The following STARD13 variants were observed in gnomAD, a reference collection of about 807,000 sequenced individuals.
The protein encoded by STARD13 is stAR-related lipid transfer protein 13.
In STARD13, 62 loss-of-function variants were observed where a neutral mutation model predicts 106.4. The observed-to-expected ratio is 0.58, with a 90% CI of 0.48 to 0.72. The LOEUF (loss-of-function observed/expected upper bound fraction) is 0.72, where lower values mean the gene tolerates loss of function less well. Ranked by LOEUF, STARD13 falls within the 30% of genes least tolerant of loss-of-function variation. The probability of loss-of-function intolerance (pLI) is 0.00; values close to 1 mark genes in which losing one functional copy is unlikely to be tolerated. For synonymous variants in STARD13, 565 were observed against 553.0 expected, an observed-to-expected ratio of 1.02 and a Z score of -0.31; for missense variants, 1,387 against 1,424.0, an observed-to-expected ratio of 0.97 and a Z score of 0.42.
chr13:33,645,654 C>T, the STARD13 span, among the ~76,000 whole-genome samples: 1,423 of 152,256 alleles, frequency 9.3e-3, 70 homozygotes, highest in East Asian at 0.13. Context: ...AATTTATTAT[C>T]ATTAAACAAA....
At chr13:33,149,802 C>G (rs145878432) in intron 3 of STARD13, among the ~76,000 whole-genome samples, 10 of 152,314 alleles carry the variant, frequency 6.6e-5, no homozygotes, top group Non-Finnish European at 8.8e-5. Flanking sequence ...AAGAATATGT[C>G]ACAGTGGAAG....
At chr13:33,107,038 G>T in intron 12 of STARD13, 104 bp from the exon 13 acceptor site, 2 of 1,110,872 alleles carry the variant, frequency 1.8e-6, no homozygotes, top group Non-Finnish European at 1.3e-6. Flanking sequence ...AACAACCTGG[G>T]CTCAGATTCC....
chr13:33,451,257 G>A, the STARD13 span, among the ~76,000 whole-genome samples: 3 of 152,184 alleles, frequency 2.0e-5, no homozygotes, highest in Admixed American at 6.5e-5. Context: ...AGAGACAGAC[G>A]TGGGCTAGAT....
the STARD13 span, among the ~76,000 whole-genome samples, chr13:33,521,518 C>T: frequency 6.6e-6 from 1 of 152,070 alleles, no homozygotes; most frequent in African/African-American, 2.4e-5. Flanking sequence ...GGTTCCTCTG[C>T]CACATGGGCC....
intron 1 of STARD13, among the ~76,000 whole-genome samples, chr13:33,258,308 T>TA (rs1337991707): frequency 2.0e-5 from 3 of 152,102 alleles, no homozygotes; most frequent in African/African-American, 7.2e-5. Context: ...ACCATTTTCC[T>TA]AAAAAAATAG....
chr13:33,328,374 G>T (rs1406409853), intron 1 of STARD13, among the ~76,000 whole-genome samples: 1 of 152,194 alleles, frequency 6.6e-6, no homozygotes, highest in African/African-American at 2.4e-5. Flanking sequence ...TATAAAATGG[G>T]TATGTTAATA....
chr13:33,315,635 C>A (rs1893304452), intron 1 of STARD13, among the ~76,000 whole-genome samples: 1 of 152,072 alleles, frequency 6.6e-6, no homozygotes, highest in Admixed American at 6.6e-5. Context: ...CAGAAGATCC[C>A]AGACTTTAGA....
In STARD13 at chr13:33,112,984, G is replaced by A; in HGVS notation, c.2282-53C>T. ...GGAGGAGCAGACATAGAAAGAGCCAGCTGGGAAGCACTGTGTAAGCTCCAC... is the reference window on the plus strand; with the variant it reads ...GGAGGAGCAGACATAGAAAGAGCCAACTGGGAAGCACTGTGTAAGCTCCAC... On this transcript the variant is annotated intron_variant, in intron 8 of 13. Transcript: ENST00000336934. The A allele has an allele frequency of 2.8e-6, 4 of 1,416,556 alleles. No individual in the cohort carries two copies. In the South Asian group the frequency reaches 5.3e-5, roughly 19 times the overall value. The allele number at this position is 1,416,556 out of a possible 1,614,324, so 87.7% of individuals were successfully genotyped here.
the STARD13 span, among the ~76,000 whole-genome samples, chr13:33,403,756 G>C: frequency 1.3e-5 from 2 of 152,144 alleles, no homozygotes; most frequent in Non-Finnish European, 2.9e-5. Context: ...TTGGGTGCCA[G>C]GTTATAGAAA....
intron 1 of STARD13, among the ~76,000 whole-genome samples, chr13:33,242,833 C>A (rs1889600391): frequency 6.6e-6 from 1 of 152,062 alleles, no homozygotes; most frequent in South Asian, 2.1e-4. Flanking sequence ...CTTTTCTTTA[C>A]TATGTATTGA....
At chr13:33,238,782 C>T (rs1003051122) in intron 1 of STARD13, among the ~76,000 whole-genome samples, 7 of 151,952 alleles carry the variant, frequency 4.6e-5, no homozygotes, top group Non-Finnish European at 7.4e-5. Flanking sequence ...GAGTCAAGTG[C>T]TTTATATACA....
intron 1 of STARD13, among the ~76,000 whole-genome samples, chr13:33,328,184 T>A (rs1195917081): frequency 1.3e-5 from 2 of 152,212 alleles, no homozygotes; most frequent in Admixed American, 6.5e-5. Context: ...TTAAGCAGGA[T>A]CCAGGTATAA....
At chr13:33,289,677 C>T (rs957234265), upstream of STARD13, among the ~76,000 whole-genome samples, 5 of 152,178 alleles carry the variant, frequency 3.3e-5, no homozygotes, top group East Asian at 1.9e-4. Context: ...TAACTGCCTG[C>T]GATACTGGAA....
chr13:33,413,978 A>G, the STARD13 span, among the ~76,000 whole-genome samples: 1,802 of 142,376 alleles, frequency 0.013, 46 homozygotes, highest in African/African-American at 0.05. Context: ...GGTTGCAGTG[A>G]GCCAGGATTG....
chr13:33,367,301 C>T, the STARD13 span, among the ~76,000 whole-genome samples: 1 of 152,088 alleles, frequency 6.6e-6, no homozygotes, highest in Admixed American at 6.5e-5. Context: ...CAATTTATTT[C>T]TAATAAAGCA....
chr13:33,474,125 T>C, the STARD13 span, among the ~76,000 whole-genome samples: 1 of 152,176 alleles, frequency 6.6e-6, no homozygotes, highest in Non-Finnish European at 1.5e-5. Context: ...GTTTGGCCTT[T>C]CCATGGGCCT....
chr13:33,523,437 A>T, the STARD13 span, among the ~76,000 whole-genome samples: 2 of 152,074 alleles, frequency 1.3e-5, no homozygotes, highest in Admixed American at 1.3e-4. Flanking sequence ...TTTATTTGTA[A>T]AATTATTATT....
chr13:33,277,261 C>G (rs978970949), intron 1 of STARD13: 2 of 152,080 alleles, frequency 1.3e-5, no homozygotes, highest in African/African-American at 4.8e-5. Context: ...CCAGAAGCGT[C>G]ATTCATAATG....
upstream of STARD13, among the ~76,000 whole-genome samples, chr13:33,289,881 A>C (rs1366919324): frequency 7.7e-6 from 1 of 130,592 alleles, no homozygotes; most frequent in Non-Finnish European, 1.6e-5. Flanking sequence ...TAAGCAGCTC[A>C]GCTTGACCCT....
Sources: allele counts gnomAD v4.1 joint callset (sites outside exome capture counted in the v4.1 genomes callset), GRCh38; gene constraint gnomAD v4.1.1; transcripts MANE v1.5; gene names NCBI Gene and HGNC (gene_info 2026-07-23, HGNC 2026-07-21).